Variants in RPS6KA6 observed in about 807,000 individuals in gnomAD.
The protein encoded by RPS6KA6 is ribosomal protein S6 kinase alpha-6.
RPS6KA6 carries 27 observed loss-of-function variants against 65.4 expected under a neutral mutation model. The ratio of observed to expected loss-of-function variants is 0.41; its 90% CI spans 0.30 to 0.57. The LOEUF (loss-of-function observed/expected upper bound fraction) is 0.57, where lower values mean the gene tolerates loss of function less well. Ranked by LOEUF, RPS6KA6 falls within the 20% of genes least tolerant of loss-of-function variation. RPS6KA6 has a pLI of 0.24. For synonymous variants in RPS6KA6, 190 were observed against 184.2 expected, an observed-to-expected ratio of 1.03 and a Z score of -0.26; for missense variants, 486 against 555.6, an observed-to-expected ratio of 0.87 and a Z score of 1.26.
At chrX:84,117,869 A>G (rs2034597697) in intron 9 of RPS6KA6, among the ~76,000 whole-genome samples, 1 of 111,292 alleles carries the variant, frequency 9.0e-6, no homozygotes, top group Non-Finnish European at 1.9e-5. Context: ...GAAAGATTTA[A>G]CCATTCTCAT....
intron 11 of RPS6KA6, 99 bp downstream of exon 11, chrX:84,116,961 A>G: frequency 1.9e-6 from 1 of 516,669 alleles, no homozygotes; most frequent in Non-Finnish European, 3.1e-6. Context: ...TTCTACGTAT[A>G]GAAGTAATGT....
intron 6 of RPS6KA6, among the ~76,000 whole-genome samples, chrX:84,140,144 G>A (rs1370341360): frequency 9.0e-6 from 1 of 111,373 alleles, no homozygotes; most frequent in Non-Finnish European, 1.9e-5. Flanking sequence ...AGGGTTAGAG[G>A]AACCAGTCGA....
chrX:84,101,559 G>A (rs577016623), intron 18 of RPS6KA6, among the ~76,000 whole-genome samples: 1 of 110,573 alleles, frequency 9.0e-6, no homozygotes, highest in Non-Finnish European at 1.9e-5. Context: ...AGACAATCGA[G>A]GATAGCACTG....
At chrX:84,129,824 G>A (rs1402448228) in intron 8 of RPS6KA6, among the ~76,000 whole-genome samples, 1 of 111,224 alleles carries the variant, frequency 9.0e-6, no homozygotes, top group African/African-American at 3.3e-5. Flanking sequence ...AGAGTAGAAG[G>A]ATGGTTACTA....
chrX:84,165,555 A>G (rs754404000), intron 1 of RPS6KA6, among the ~76,000 whole-genome samples: 241 of 111,359 alleles, frequency 2.2e-3, no homozygotes, highest in African/African-American at 7.6e-3. Flanking sequence ...ATCAACAAAA[A>G]TTCCAAGAAA....
At chrX:84,172,011 C>T (rs1284959315) in intron 1 of RPS6KA6, among the ~76,000 whole-genome samples, 1 of 111,706 alleles carries the variant, frequency 9.0e-6, no homozygotes, top group Non-Finnish European at 1.9e-5. Flanking sequence ...AGGACATGAA[C>T]TCATTCTTTT....
chrX:84,104,450 T>C, intron 17 of RPS6KA6, 49 bp downstream of exon 17: 2 of 898,112 alleles, frequency 2.2e-6, no homozygotes, highest in Non-Finnish European at 2.9e-6. Flanking sequence ...TATATTTTCA[T>C]GAAGATATAG....
At chrX:84,163,253 C>G (rs944696233) in intron 2 of RPS6KA6, among the ~76,000 whole-genome samples, 2 of 112,162 alleles carry the variant, frequency 1.8e-5, no homozygotes. Context: ...ACTTTTATCA[C>G]CTAGTATAAA....
chrX:84,187,905 C>A lies in RPS6KA6; in HGVS notation c.-6G>T. ...TGAGGAGCGAATGGTAGCATCTCCC[C>A]TTCAGGAGCACTCAAACAGGAGCTG... On this transcript the variant is annotated 5_prime_UTR_variant, in exon 1 of 22. In the 5' UTR this introduces an upstream ATG that the reference lacks. Transcript: ENST00000262752. 8.4e-7 allele frequency: 1 copy of A among 1,188,154 alleles called. No individual in the cohort carries two copies.
intron 12 of RPS6KA6, among the ~76,000 whole-genome samples, chrX:84,112,789 C>A (rs1184332771): frequency 9.0e-6 from 1 of 111,493 alleles, no homozygotes; most frequent in African/African-American, 3.3e-5. Flanking sequence ...AAACCCAAAG[C>A]TAGCAGAAGA....
intron 3 of RPS6KA6, among the ~76,000 whole-genome samples, chrX:84,153,150 A>T (rs1301937205): frequency 8.9e-6 from 1 of 111,982 alleles, no homozygotes; most frequent in Admixed American, 9.5e-5. Context: ...GTTTTTAAAA[A>T]CTATCACTTG....
At chrX:84,098,244 T>G (rs1178450586) in intron 18 of RPS6KA6, among the ~76,000 whole-genome samples, 3 of 111,334 alleles carry the variant, frequency 2.7e-5, no homozygotes, top group African/African-American at 9.7e-5. Flanking sequence ...TATTTAAGCC[T>G]GTGTTTTTAA....
chrX:84,158,633 T>A (rs1481473122), intron 2 of RPS6KA6, among the ~76,000 whole-genome samples: 1 of 111,377 alleles, frequency 9.0e-6, no homozygotes, highest in East Asian at 2.8e-4. Context: ...TACACTGTGC[T>A]GAGTATGTGT....
intron 19 of RPS6KA6, 66 bp from the exon 20 acceptor site, chrX:84,096,377 T>A (rs113490855): frequency 0.07 from 31,918 of 457,348 alleles, 1,213 homozygotes; most frequent in East Asian, 0.26. Flanking sequence ...AAGAGATACA[T>A]ATATTTACTA....
In RPS6KA6 at chrX:84,121,700, C is replaced by A. The variant is rs185603219; in HGVS notation, c.647-1673G>T. On this transcript the variant is annotated intron_variant, in intron 8 of 21. Coordinates refer to ENST00000262752, the MANE Select transcript of RPS6KA6 (RefSeq NM_014496.5). ...GTCTTTTCAACAAATGGTACCAGAA[C>A]AAGTAGGATAGAGATATAGAAAAAT... Among the ~76,000 whole-genome samples the A allele has an allele frequency of 2.8e-3, 309 of 111,738 alleles. 2 individuals carry two copies. The highest frequency in any genetic ancestry group is 1.2e-3 in the Non-Finnish European group (66 of 53,110).
chrX:84,106,944 G>A lies in RPS6KA6; in HGVS notation c.1208C>T (p.Pro403Leu). 1.3e-5 allele frequency: 15 copies of A among 1,190,885 alleles called. No homozygotes were observed. Among genetic ancestry groups the A allele is most frequent in the Non-Finnish European group, 1.6e-5 (14 of 879,374 alleles). The change falls in exon 14 of 22, where the codon CCT (proline) becomes CTT (leucine). Residue 403 changes from proline to leucine, a missense_variant. Transcript: ENST00000262752. The part of the protein sequence containing the change: ...TSIAEEYKIT[P>L]ITSANVLPIV... Reference sequence around the variant, plus strand: ...TGGTAATACATTTGCACTTGTGATAGGAGTGATTTTATATTCTTCTGCAAT... The same window carrying A: ...TGGTAATACATTTGCACTTGTGATAAGAGTGATTTTATATTCTTCTGCAAT...
chrX:84,186,716 T>C (rs774581795), intron 1 of RPS6KA6: 1 of 111,621 alleles, frequency 9.0e-6, no homozygotes, highest in Admixed American at 9.5e-5. Flanking sequence ...AGCAAGTACT[T>C]GAAGACAAAG....
chrX:84,115,447 G>T (rs773711436), intron 12 of RPS6KA6, among the ~76,000 whole-genome samples: 20 of 111,829 alleles, frequency 1.8e-4, no homozygotes, highest in Non-Finnish European at 3.0e-4. Flanking sequence ...TAAAAAGTTA[G>T]AAAATAACAG....
chrX:84,153,847 G>A (rs2147576465), intron 3 of RPS6KA6, among the ~76,000 whole-genome samples: 1 of 111,394 alleles, frequency 9.0e-6, no homozygotes, highest in East Asian at 2.8e-4. Context: ...TTTGGTTGAT[G>A]AACTACATAA....
Sources: gnomAD v4.1 joint callset for allele counts (sites outside exome capture counted in the v4.1 genomes callset) on GRCh38, gnomAD v4.1.1 for gene constraint, MANE v1.5 for transcripts, NCBI Gene and HGNC (gene_info 2026-07-23, HGNC 2026-07-21) for gene names.